Variants in RP1 observed in about 807,000 individuals in gnomAD.
RP1 encodes RP1 axonemal microtubule associated.
In RP1, 16 loss-of-function variants were observed where a neutral mutation model predicts 14.8. That is an observed-to-expected ratio of 1.08 (90% CI 0.73 to 1.65). The LOEUF (loss-of-function observed/expected upper bound fraction) is 1.65, where lower values mean the gene tolerates loss of function less well. RP1 is among the 40% of genes most tolerant of loss of function. RP1 has a pLI of 0.00. For synonymous variants in RP1, 876 were observed against 883.6 expected (o/e 0.99, Z 0.15); for missense variants, 2,631 against 2,535.0 (o/e 1.04, Z -0.81).
At chr8:54,794,960 A>G (rs995646583) in intron 24 of RP1, among the ~76,000 whole-genome samples, 1 of 152,210 alleles carries the variant, frequency 6.6e-6, no homozygotes, top group Admixed American at 6.5e-5. Flanking sequence ...CAAAGAAGAC[A>G]TAGAAATGGC....
rs1303802460 is a variant in RP1 at position 54,766,721 on chromosome 8, CA to C, written c.3249-3019del. ...ATGTTTTAAGGCGGGAGCACCCCAA[CA>C]CGTTCCACAATTGTCTACTTTAATC... On this transcript the variant is annotated intron_variant, in intron 22 of 22. Transcript: ENST00000636932. Among the ~76,000 whole-genome samples, 4 of 152,306 alleles carry C rather than the reference CA, an allele frequency of 2.6e-5. No homozygotes were observed. The East Asian group carries it at 7.7e-4, about 29-fold the overall frequency.
chr8:54,636,603 T>C (rs1047246995), intron 3 of RP1, among the ~76,000 whole-genome samples: 5 of 152,112 alleles, frequency 3.3e-5, no homozygotes, highest in Admixed American at 2.6e-4. Context: ...CTGGGCCTGG[T>C]CGTGGGCGCC....
chr8:54,618,326 G>C (rs1366442130), intron 1 of RP1, among the ~76,000 whole-genome samples: 1 of 152,076 alleles, frequency 6.6e-6, no homozygotes, highest in Non-Finnish European at 1.5e-5. Flanking sequence ...TATCTTCTAT[G>C]TTTTCCCTCC....
chr8:54,624,680 T>A lies in RP1; in HGVS notation c.798T>A (p.His266Gln). 1.2e-6 allele frequency: 2 copies of A among 1,613,890 alleles called. No individual in the cohort carries two copies. The highest frequency in any genetic ancestry group is 1.7e-6 in the Non-Finnish European group (2 of 1,179,926). The change falls in exon 4 of 4, where the codon CAT (histidine) becomes CAA (glutamine). Residue 266 changes from histidine to glutamine, a missense_variant. His to Gln is a conservative substitution (Grantham distance 24, BLOSUM62 0). Transcript: ENST00000220676. Reference protein sequence around the residue: ...AKSESRKISTHMSSSSRSQIY... With the variant: ...AKSESRKISTQMSSSSRSQIY... ...TTAAAATCTTTAAAGTAAGCACACATATGTCTTCAAGCTCAAGGTCCCAGA... is the reference window on the plus strand; with the variant it reads ...TTAAAATCTTTAAAGTAAGCACACAAATGTCTTCAAGCTCAAGGTCCCAGA...
chr8:54,607,435 G>C (rs1245817375), intron 1 of RP1, among the ~76,000 whole-genome samples: 1 of 152,214 alleles, frequency 6.6e-6, no homozygotes, highest in Admixed American at 6.5e-5. Flanking sequence ...CCAGCTGTGT[G>C]AGGTGTCAGT....
rs981924375 is a variant in RP1 at position 54,603,651 on chromosome 8, T to A, written c.-12-17304T>A. On this transcript the variant is annotated intron_variant, in intron 1 of 22. Coordinates refer to the RP1 transcript ENST00000636932. ...AGCAGTGTGGCCATTTTCACGATAT[T>A]GATTCTTCTTACCCATGAGCATGGA... 4.2e-4 allele frequency among the ~76,000 whole-genome samples: 64 copies of A among 152,346 alleles called. No individual in the cohort carries two copies. In the Middle Eastern group the frequency reaches 0.01, roughly 24 times the overall value.
chr8:54,752,277 A>G (rs745859422), intron 19 of RP1, among the ~76,000 whole-genome samples: 2 of 152,228 alleles, frequency 1.3e-5, no homozygotes, highest in African/African-American at 2.4e-5. Flanking sequence ...ACATAAATGT[A>G]ATAAAGATTA....
At chr8:54,753,829 C>T (rs16920686) in intron 19 of RP1, among the ~76,000 whole-genome samples, 4,373 of 152,198 alleles carry the variant, frequency 0.029, 191 homozygotes, top group African/African-American at 0.099. Flanking sequence ...TGGAAGAGAG[C>T]AGGAACAGCA....
intron 23 of RP1, among the ~76,000 whole-genome samples, chr8:54,781,411 G>T (rs1361360406): frequency 1.3e-5 from 2 of 151,922 alleles, no homozygotes; most frequent in East Asian, 3.9e-4. Context: ...ATAAGGCAAA[G>T]GAAAAAATAA....
rs757927693 is a variant in RP1, at chr8:54,628,865, T to C, written c.4983T>C (p.Ser1661=). The C allele has an allele frequency of 8.1e-6, 13 of 1,614,056 alleles. No individual in the cohort carries two copies. Among genetic ancestry groups the C allele is most frequent in the Non-Finnish European group, 1.0e-5 (12 of 1,179,998 alleles). ...AATCTCAGGTTTGTCCTTATAATTC[T>C]GTGGAATTTCAGTGTTCCAGGAAAG... The part of the protein sequence containing the change: ...TRKSQVCPYN[S]VEFQCSRKAS... Residue 1661 remains serine, a synonymous_variant, in exon 4 of 4, where the codon TCT becomes TCC. Coordinates refer to ENST00000220676, the MANE Select transcript of RP1 (RefSeq NM_006269.2).
At chr8:54,684,527 G>A (rs1807511855) in intron 12 of RP1, among the ~76,000 whole-genome samples, 1 of 152,004 alleles carries the variant, frequency 6.6e-6, no homozygotes, top group East Asian at 1.9e-4. Flanking sequence ...GTTTCTTCTT[G>A]GTTCAGTCTT....
At chr8:54,704,021 TA>T (rs1313806883) in intron 14 of RP1, among the ~76,000 whole-genome samples, 6 of 152,210 alleles carry the variant, frequency 3.9e-5, no homozygotes. Context: ...TCCAGGCCAC[TA>T]AAACTTTCCC....
intron 24 of RP1, among the ~76,000 whole-genome samples, chr8:54,808,062 C>T (rs942505653): frequency 6.6e-5 from 10 of 152,136 alleles, no homozygotes; most frequent in Admixed American, 3.9e-4. Context: ...CAAGTAACCA[C>T]ATGCAATAAC....
intron 25 of RP1, among the ~76,000 whole-genome samples, chr8:54,847,679 T>C (rs986544775): frequency 3.3e-5 from 5 of 152,260 alleles, no homozygotes; most frequent in Non-Finnish European, 5.9e-5. Context: ...TCTTGGTTGA[T>C]TGCTGATAGA....
At position 54,628,737 on chromosome 8, in the gene RP1, C is replaced by T. The variant is rs1251834376; in HGVS notation, c.4855C>T (p.Gln1619Ter). 4.3e-6 allele frequency: 7 copies of T among 1,613,868 alleles called. No homozygotes were observed. Among genetic ancestry groups the T allele is most frequent in the Non-Finnish European group, 5.9e-6 (7 of 1,179,980 alleles). ...DDPNDSGELT[Q>*]EKEYNIGFVK... ...TCCCAATGACAGTGGCGAACTTACC[C>T]AAGAGAAAGAATATAACATAGGATT... The change falls in exon 4 of 4, where the codon CAA becomes TAA. Residue 1619 changes from glutamine (Q) to a stop codon, truncating the protein, a stop_gained. Transcript: ENST00000220676. LOFTEE classifies it low-confidence loss of function (END_TRUNC).
chr8:54,584,351 C>T (rs573627865), intron 1 of RP1, among the ~76,000 whole-genome samples: 1 of 152,326 alleles, frequency 6.6e-6, no homozygotes, highest in South Asian at 2.1e-4. Flanking sequence ...TTTGATTGCA[C>T]TGTGGTCTGA....
In RP1 at chr8:54,607,317, C is replaced by T. The variant is rs189542277; in HGVS notation, c.-12-13638C>T. Among the ~76,000 whole-genome samples, 1,253 of 152,266 alleles carry T rather than the reference C, an allele frequency of 8.2e-3. 6 individuals carry two copies. Among genetic ancestry groups the T allele is most frequent in the Middle Eastern group, 0.037 (11 of 294 alleles). ...AGTTTCCTGGAGGTCCACTCCAGAC[C>T]CTGTTTGCCTGGGTATCCGCAGCAG... is the stretch of plus-strand genomic sequence containing the variant. On this transcript the variant is annotated intron_variant, in intron 1 of 22. Coordinates refer to the RP1 transcript ENST00000636932.
chr8:54,717,204 A>C (rs1442642889), intron 15 of RP1, among the ~76,000 whole-genome samples: 1 of 152,182 alleles, frequency 6.6e-6, no homozygotes, highest in Non-Finnish European at 1.5e-5. Flanking sequence ...ACTTGCTTTT[A>C]CAAATAAAAA....
intron 1 of RP1, among the ~76,000 whole-genome samples, chr8:54,586,619 C>T (rs1585529683): frequency 6.6e-6 from 1 of 151,986 alleles, no homozygotes; most frequent in Admixed American, 6.5e-5. Context: ...GGCAGGCAGG[C>T]CTCCTTGAGG....
Sources: allele counts gnomAD v4.1 joint callset (sites outside exome capture counted in the v4.1 genomes callset), GRCh38; gene constraint gnomAD v4.1.1; transcripts MANE v1.5; gene names NCBI Gene and HGNC (gene_info 2026-07-23, HGNC 2026-07-21).